Variants in SORBS2 observed in about 807,000 individuals in gnomAD.
SORBS2 encodes the protein sorbin and SH3 domain-containing protein 2.
SORBS2 carries 46 observed loss-of-function variants against 97.7 expected under a neutral mutation model. The ratio of observed to expected loss-of-function variants is 0.47; its 90% CI spans 0.37 to 0.60. SORBS2 has a LOEUF of 0.60. Ranked by LOEUF, SORBS2 falls within the 20% of genes least tolerant of loss-of-function variation. SORBS2 has a pLI of 0.00. For missense variants in SORBS2, 1,316 were observed against 1,282.3 expected (o/e 1.03, Z -0.40); for synonymous variants, 476 against 473.4 (o/e 1.01, Z -0.07).
chr4:185,871,802 C>G (rs895879046), intron 1 of SORBS2, among the ~76,000 whole-genome samples: 1 of 152,140 alleles, frequency 6.6e-6, no homozygotes, highest in Non-Finnish European at 1.5e-5. Flanking sequence ...ATTGTGCTGG[C>G]TTTCTAGATC....
At chr4:185,718,459 G>A (rs959830716) in intron 2 of SORBS2, among the ~76,000 whole-genome samples, 11 of 152,150 alleles carry the variant, frequency 7.2e-5, no homozygotes, top group African/African-American at 2.7e-4. Flanking sequence ...TGTATAAACA[G>A]GACAAACTAC....
intron 4 of SORBS2, among the ~76,000 whole-genome samples, chr4:185,640,109 G>A (rs187055446): frequency 6.6e-6 from 1 of 152,230 alleles, no homozygotes; most frequent in African/African-American, 2.4e-5. Context: ...GATTATAGGA[G>A]TAATTACAGA....
chr4:185,729,596 T>A (rs2098597773), intron 2 of SORBS2, among the ~76,000 whole-genome samples: 1 of 152,214 alleles, frequency 6.6e-6, no homozygotes, highest in South Asian at 2.1e-4. Context: ...TTGCTCAGAT[T>A]CCCTAATTTC....
intron 1 of SORBS2, among the ~76,000 whole-genome samples, chr4:185,893,897 A>G (rs953728657): frequency 8.5e-5 from 13 of 152,188 alleles, no homozygotes; most frequent in African/African-American, 3.1e-4. Context: ...GACCTTCAGC[A>G]GCGTCAGACT....
chr4:185,633,932 C>A (rs2096950571), intron 4 of SORBS2, among the ~76,000 whole-genome samples: 1 of 151,938 alleles, frequency 6.6e-6, no homozygotes, highest in Non-Finnish European at 1.5e-5. Context: ...AAAATAAATT[C>A]TTGGGTTGTT....
At chr4:185,930,087 A>G (rs1254351545) in intron 1 of SORBS2, among the ~76,000 whole-genome samples, 1 of 152,202 alleles carries the variant, frequency 6.6e-6, no homozygotes, top group East Asian at 1.9e-4. Flanking sequence ...TATCTTTGTC[A>G]CTACTTTTCT....
At chr4:185,734,840 C>T (rs1442801908) in intron 2 of SORBS2, among the ~76,000 whole-genome samples, 1 of 152,198 alleles carries the variant, frequency 6.6e-6, no homozygotes, top group Non-Finnish European at 1.5e-5. Flanking sequence ...TGCAAGGAAG[C>T]CTCTTCAGGT....
intron 1 of SORBS2, among the ~76,000 whole-genome samples, chr4:185,800,334 AT>A (rs1174607731): frequency 6.6e-6 from 1 of 152,216 alleles, no homozygotes; most frequent in Middle Eastern, 3.2e-3. Flanking sequence ...TATAGTAATA[AT>A]TTTAAATGAG....
chr4:185,777,971 G>C (rs968149361), intron 1 of SORBS2, among the ~76,000 whole-genome samples: 5 of 152,076 alleles, frequency 3.3e-5, no homozygotes, highest in African/African-American at 1.2e-4. Flanking sequence ...CCTAAAACAT[G>C]TAAACTATCA....
At chr4:185,941,036 TC>T (rs916258386) in intron 1 of SORBS2, among the ~76,000 whole-genome samples, 1 of 152,180 alleles carries the variant, frequency 6.6e-6, no homozygotes, top group Non-Finnish European at 1.5e-5. Context: ...ATTATCAGGG[TC>T]CCACAAATGT....
At chr4:185,675,871 G>A (rs2097782932) in intron 4 of SORBS2, among the ~76,000 whole-genome samples, 1 of 152,144 alleles carries the variant, frequency 6.6e-6, no homozygotes, top group Admixed American at 6.5e-5. Context: ...GATAATACCA[G>A]CTTGTCCTTT....
chr4:185,590,243 T>C (rs1426148001), intron 13 of SORBS2, among the ~76,000 whole-genome samples: 6 of 152,202 alleles, frequency 3.9e-5, no homozygotes, highest in Admixed American at 6.5e-5. Flanking sequence ...CAGAAGCAAA[T>C]AATGGGGGCT....
At chr4:185,720,204 G>A (rs187805406) in intron 2 of SORBS2, among the ~76,000 whole-genome samples, 1 of 152,288 alleles carries the variant, frequency 6.6e-6, no homozygotes, top group East Asian at 1.9e-4. Context: ...CCACCAATCT[G>A]TACTTTTACA....
At chr4:185,677,550 G>A (rs1190082506) in intron 4 of SORBS2, 1 of 1,548,204 alleles carries the variant, frequency 6.5e-7, no homozygotes, top group Non-Finnish European at 8.7e-7. Context: ...TTGTGTGTTA[G>A]TTACTAACTG....
At chr4:185,704,343 G>T (rs537635436) in intron 2 of SORBS2, among the ~76,000 whole-genome samples, 1 of 152,040 alleles carries the variant, frequency 6.6e-6, no homozygotes, top group African/African-American at 2.4e-5. Flanking sequence ...TTTTGAAACA[G>T]AGTCTCACTC....
intron 1 of SORBS2, among the ~76,000 whole-genome samples, chr4:185,902,914 G>A (rs1261046151): frequency 5.3e-5 from 8 of 152,132 alleles, no homozygotes; most frequent in African/African-American, 9.7e-5. Flanking sequence ...CTGTTCTGAC[G>A]TCATAATCGC....
intron 1 of SORBS2, among the ~76,000 whole-genome samples, chr4:185,822,565 C>T (rs2099197403): frequency 6.6e-6 from 1 of 152,214 alleles, no homozygotes; most frequent in African/African-American, 2.4e-5. Context: ...ACGATGGGAA[C>T]TTTACAAAAT....
Position 185,618,639 on chromosome 4 carries a change from G to T in SORBS2, c.2305-8C>A, listed in dbSNP as rs2096663415. 3.9e-6 allele frequency: 6 copies of T among 1,529,434 alleles called. No homozygotes were observed. In the African/African-American group the frequency reaches 4.1e-5, roughly 10 times the overall value. 94.7% of individuals were successfully genotyped at this position (1,529,434 alleles called of 1,614,324 possible). On this transcript the variant is annotated splice_polypyrimidine_tract_variant and splice_region_variant and intron_variant, in intron 8 of 14. Transcript: ENST00000418609. ...AGCTTTTGCAGGCAATTTCTGAAAA[G>T]GAAGATAAACAATTAGCACTAATTT... is the stretch of plus-strand genomic sequence containing the variant.
intron 1 of SORBS2, among the ~76,000 whole-genome samples, chr4:185,832,411 T>C (rs1038653081): frequency 2.6e-5 from 4 of 152,230 alleles, no homozygotes; most frequent in African/African-American, 9.6e-5. Flanking sequence ...TATGTTTACT[T>C]ACTTTACTTC....
Sources: gnomAD v4.1 joint callset for allele counts (sites outside exome capture counted in the v4.1 genomes callset) on GRCh38, gnomAD v4.1.1 for gene constraint, MANE v1.5 for transcripts, NCBI Gene and HGNC (gene_info 2026-07-23, HGNC 2026-07-21) for gene names.